Variants in ARL13B observed in about 807,000 individuals in gnomAD.
The protein encoded by ARL13B is ARF like GTPase 13B.
A neutral mutation model predicts 56.1 loss-of-function variants in ARL13B; 36 were observed. That is an observed-to-expected ratio of 0.64 (90% CI 0.49 to 0.85). The LOEUF is 0.85. ARL13B is among the 40% of genes least tolerant of loss of function. ARL13B has a pLI of 0.00. For missense variants in ARL13B, 519 were observed against 507.1 expected, an observed-to-expected ratio of 1.02 and a Z score of -0.23; for synonymous variants, 178 against 171.1, an observed-to-expected ratio of 1.04 and a Z score of -0.32.
chr3:93,996,973 G>A (rs1279679514), intron 2 of ARL13B, among the ~76,000 whole-genome samples: 1 of 151,956 alleles, frequency 6.6e-6, no homozygotes, highest in African/African-American at 2.4e-5. Flanking sequence ...TAGATTCTTA[G>A]GACCATGAAC....
At chr3:94,014,663 T>C in intron 3 of ARL13B, 1 of 1,613,654 alleles carries the variant, frequency 6.2e-7, no homozygotes, top group South Asian at 1.1e-5. Context: ...TTAGTGATAT[T>C]GATTTCTGTA....
At chr3:94,045,462 A>G (rs1477067671) in intron 7 of ARL13B, among the ~76,000 whole-genome samples, 2 of 150,878 alleles carry the variant, frequency 1.3e-5, no homozygotes, top group East Asian at 3.9e-4. Flanking sequence ...AAAAAAAAAA[A>G]GAAAGAAAGA....
chr3:93,983,237 G>A (rs1440335216), intron 1 of ARL13B, among the ~76,000 whole-genome samples: 1 of 152,162 alleles, frequency 6.6e-6, no homozygotes, highest in African/African-American at 2.4e-5. Flanking sequence ...GATTAGATTT[G>A]TGTGATAAGG....
At chr3:94,008,131 A>C (rs1485462326) in intron 3 of ARL13B, among the ~76,000 whole-genome samples, 21 of 152,200 alleles carry the variant, frequency 1.4e-4, no homozygotes, top group Non-Finnish European at 2.9e-5. Flanking sequence ...AAAATTAAAA[A>C]TGATTTGCAT....
At chr3:94,014,275 G>A in intron 3 of ARL13B, 1 of 890,278 alleles carries the variant, frequency 1.1e-6, no homozygotes, top group Admixed American at 3.6e-5. Context: ...CAACTTAACA[G>A]TGATGAAAGG....
chr3:94,013,923 G>C (rs1470531346), intron 3 of ARL13B, among the ~76,000 whole-genome samples: 4 of 152,126 alleles, frequency 2.6e-5, no homozygotes, highest in East Asian at 1.9e-4. Context: ...CTCCAGCCTG[G>C]GTGACAGAGT....
intron 3 of ARL13B, among the ~76,000 whole-genome samples, chr3:94,007,710 T>C (rs1337472262): frequency 6.6e-6 from 1 of 152,072 alleles, no homozygotes; most frequent in Non-Finnish European, 1.5e-5. Context: ...CACAGAATTA[T>C]GAGAGTACAA....
At chr3:94,047,663 T>A (rs2077003548) in intron 7 of ARL13B, among the ~76,000 whole-genome samples, 1 of 152,156 alleles carries the variant, frequency 6.6e-6, no homozygotes, top group South Asian at 2.1e-4. Context: ...AGATCATATA[T>A]CTGTCTGTGT....
intron 3 of ARL13B, among the ~76,000 whole-genome samples, chr3:94,009,029 T>G (rs2076178130): frequency 1.3e-5 from 2 of 151,986 alleles, no homozygotes; most frequent in Admixed American, 1.3e-4. Flanking sequence ...TTGGCTACTC[T>G]GGGCACACTG....
chr3:94,043,156 T>A lies in ARL13B; in HGVS notation c.940T>A (p.Phe314Ile). Reference protein sequence around the residue: ...VNHNGQKNNEFGLVENYKEAL... With the variant: ...VNHNGQKNNEIGLVENYKEAL... ...TCACAATGGCCAAAAAAATAATGAA[T>A]TTGGACTAGTAGAAAATTATAAGGA... Residue 314 changes from phenylalanine (F) to isoleucine (I), a missense_variant, in exon 7 of 10, where the codon TTT becomes ATT. Physicochemically the swap from Phe to Ile is conservative, Grantham distance 21 (BLOSUM62 0). Transcript: ENST00000394222. 6.2e-7 allele frequency: 1 copy of A among 1,613,526 alleles called. No individual in the cohort carries two copies. The highest frequency in any genetic ancestry group is 8.5e-7 in the Non-Finnish European group (1 of 1,179,868).
In ARL13B at chr3:93,980,414, G is replaced by A. The variant is rs1309624633; in HGVS notation, c.-10G>A. ...GCTCGGATGGGAAGTGGTGGGAGGA[G>A]CGACCCGGGATGTTCAGTCTGATGG... is the stretch of plus-strand genomic sequence containing the variant. On this transcript the variant is annotated 5_prime_UTR_variant, in exon 1 of 10. Coordinates refer to ENST00000394222, the MANE Select transcript of ARL13B (RefSeq NM_001174150.2). 1.2e-6 allele frequency: 2 copies of A among 1,611,926 alleles called. No homozygotes were observed. The highest frequency in any genetic ancestry group is 4.5e-5 in the East Asian group (2 of 44,854).
chr3:93,981,966 A>C (rs571922249), intron 1 of ARL13B, among the ~76,000 whole-genome samples: 6 of 152,048 alleles, frequency 3.9e-5, no homozygotes, highest in African/African-American at 1.4e-4. Flanking sequence ...CTAATTTCAC[A>C]GTATCTACTA....
chr3:94,043,311 T>G lies in ARL13B; in HGVS notation c.1024+71T>G, dbSNP rs536799852. The G allele has an allele frequency of 2.3e-3, 3,098 of 1,342,736 alleles. 13 individuals carry two copies. Among genetic ancestry groups the G allele is most frequent in the South Asian group, 3.3e-3 (240 of 72,898 alleles). 83.2% of individuals were successfully genotyped at this position (1,342,736 alleles called of 1,614,324 possible). On this transcript the variant is annotated intron_variant, in intron 7 of 9. Coordinates refer to ENST00000394222, the MANE Select transcript of ARL13B (RefSeq NM_001174150.2). ...ATAAAACTTATACTTCATCTCATTT[T>G]TTATGTTTGTTTTTACAAACGAGTA...
At chr3:94,025,538 G>T (rs552803176) in intron 3 of ARL13B, among the ~76,000 whole-genome samples, 1 of 152,116 alleles carries the variant, frequency 6.6e-6, no homozygotes, top group African/African-American at 2.4e-5. Flanking sequence ...CTGTGGCCAC[G>T]GACTGGTGAC....
At chr3:94,045,950 C>CAAAAAAAA in intron 7 of ARL13B, among the ~76,000 whole-genome samples, 1 of 44,414 alleles carries the variant, frequency 2.3e-5, no homozygotes, top group Non-Finnish European at 4.1e-5. Flanking sequence ...GACTCCATCA[C>CAAAAAAAA]AAAAAAAAAA....
At chr3:94,033,742 T>C (rs961276538) in intron 3 of ARL13B, among the ~76,000 whole-genome samples, 1 of 152,150 alleles carries the variant, frequency 6.6e-6, no homozygotes, top group East Asian at 1.9e-4. Flanking sequence ...AATAGGACAT[T>C]ATATAAAAGT....
intron 1 of ARL13B, among the ~76,000 whole-genome samples, chr3:93,994,490 A>T (rs968422597): frequency 5.3e-5 from 8 of 151,748 alleles, no homozygotes; most frequent in Non-Finnish European, 7.4e-5. Context: ...TTACATAATA[A>T]TTTATCGTAT....
At chr3:94,032,792 G>A (rs554974038) in intron 3 of ARL13B, among the ~76,000 whole-genome samples, 15 of 152,200 alleles carry the variant, frequency 9.9e-5, no homozygotes, top group African/African-American at 3.1e-4. Flanking sequence ...CACCGTGCCC[G>A]GCCAGTATGG....
At chr3:93,982,898 G>A (rs1710286264) in intron 1 of ARL13B, among the ~76,000 whole-genome samples, 1 of 152,178 alleles carries the variant, frequency 6.6e-6, no homozygotes, top group African/African-American at 2.4e-5. Flanking sequence ...TAAATGAGAG[G>A]TGAGCAAGCT....
Sources: gnomAD v4.1 joint callset for allele counts (sites outside exome capture counted in the v4.1 genomes callset) on GRCh38, gnomAD v4.1.1 for gene constraint, MANE v1.5 for transcripts, NCBI Gene and HGNC (gene_info 2026-07-23, HGNC 2026-07-21) for gene names.